ANO2: variants seen among roughly 807,000 people sequenced by gnomAD.
ANO2 encodes anoctamin 2, also known as anoctamin-2.
In ANO2, 101 loss-of-function variants were observed where a neutral mutation model predicts 124.2. That is an observed-to-expected ratio of 0.81 (90% CI 0.69 to 0.96). The LOEUF is 0.96. Ranked by LOEUF, ANO2 falls within the 40% of genes least tolerant of loss-of-function variation. The probability of loss-of-function intolerance (pLI) is 0.00; values close to 1 mark genes in which losing one functional copy is unlikely to be tolerated. For synonymous variants in ANO2, 486 were observed against 482.5 expected (o/e 1.01, Z -0.09); for missense variants, 1,293 against 1,274.5 (o/e 1.01, Z -0.22).
chr12:5,583,075 G>A (rs1446127240), intron 20 of ANO2, among the ~76,000 whole-genome samples: 1 of 152,130 alleles, frequency 6.6e-6, no homozygotes, highest in African/African-American at 2.4e-5. Context: ...ATCTTTTGTG[G>A]TGCCTATCAC....
chr12:5,669,172 A>G (rs1189987114), intron 14 of ANO2, among the ~76,000 whole-genome samples: 2 of 152,110 alleles, frequency 1.3e-5, no homozygotes, highest in Non-Finnish European at 2.9e-5. Flanking sequence ...TATCCATGAG[A>G]ATGGAATGTT....
rs114122337 is a variant in ANO2 at position 5,686,048 on chromosome 12, G to A, written c.1546-38247C>T. On this transcript the variant is annotated intron_variant, in intron 14 of 24. Transcript: ENST00000682330. ...GGATCAGCTTTGGTATCAGGCAGCAGAGACAAGCCAGCCCCCAGGCAAGGG... is the reference window on the plus strand; with the variant it reads ...GGATCAGCTTTGGTATCAGGCAGCAAAGACAAGCCAGCCCCCAGGCAAGGG... Among the ~76,000 whole-genome samples, 1,063 of 152,312 alleles carry A rather than the reference G, an allele frequency of 7.0e-3. 14 individuals carry two copies. Among genetic ancestry groups the A allele is most frequent in the African/African-American group, 0.025 (1,035 of 41,556 alleles).
chr12:5,827,195 T>C (rs1953981933), intron 7 of ANO2, among the ~76,000 whole-genome samples: 1 of 152,136 alleles, frequency 6.6e-6, no homozygotes, highest in Non-Finnish European at 1.5e-5. Context: ...TTATACTTGG[T>C]CCCAAATGCT....
intron 14 of ANO2, among the ~76,000 whole-genome samples, chr12:5,670,596 A>C (rs1947948970): frequency 1.3e-5 from 2 of 152,178 alleles, no homozygotes; most frequent in Admixed American, 1.3e-4. Flanking sequence ...GTACAGTGGC[A>C]CAATCATAGC....
At chr12:5,731,346 T>C (rs1950624501) in intron 14 of ANO2, among the ~76,000 whole-genome samples, 1 of 149,182 alleles carries the variant, frequency 6.7e-6, no homozygotes, top group Non-Finnish European at 1.5e-5. Context: ...TCTGTTCTGT[T>C]TAAGTTCTGT....
chr12:5,899,577 A>G (rs1479308118), intron 3 of ANO2, among the ~76,000 whole-genome samples: 1 of 152,204 alleles, frequency 6.6e-6, no homozygotes, highest in Non-Finnish European at 1.5e-5. Flanking sequence ...TTTGGCATGG[A>G]CTCAGGTGAC....
At chr12:5,664,921 T>C (rs1159860227) in intron 14 of ANO2, among the ~76,000 whole-genome samples, 1 of 152,252 alleles carries the variant, frequency 6.6e-6, no homozygotes, top group Non-Finnish European at 1.5e-5. Context: ...AACTTTTTGG[T>C]GGCAAAATAC....
intron 4 of ANO2, among the ~76,000 whole-genome samples, chr12:5,837,825 A>C (rs1954378946): frequency 6.6e-6 from 1 of 151,988 alleles, no homozygotes; most frequent in Non-Finnish European, 1.5e-5. Flanking sequence ...GAGCAAACAC[A>C]TTCAGAAGCT....
intron 3 of ANO2, among the ~76,000 whole-genome samples, chr12:5,868,374 G>A (rs760343755): frequency 1.7e-4 from 26 of 152,178 alleles, no homozygotes; most frequent in African/African-American, 4.6e-4. Flanking sequence ...CCTGTGTGAC[G>A]TTGATATGTA....
rs1022008989 is a variant in ANO2 at position 5,658,383 on chromosome 12, TCAA to T, written c.1546-10585_1546-10583del. Among the ~76,000 whole-genome samples, 7 of 144,444 alleles carry T rather than the reference TCAA, an allele frequency of 4.8e-5. No homozygotes were observed. Among genetic ancestry groups the T allele is most frequent in the African/African-American group, 1.3e-4 (5 of 37,960 alleles). The allele number at this position is 144,444 out of a possible 152,430, so 94.8% of individuals were successfully genotyped here. Reference sequence around the variant, plus strand: ...TACTTGTTGCCTATCATCATCATCATCAACAACATCATCATCGTCATTGTTATC... The same window carrying T: ...TACTTGTTGCCTATCATCATCATCATCAACATCATCATCGTCATTGTTATC... On this transcript the variant is annotated intron_variant, in intron 14 of 24. Coordinates refer to ENST00000682330, the MANE Select transcript of ANO2 (RefSeq NM_001364791.2). The surrounding 1 kb of genome is among the most constrained non-coding windows in gnomAD (Gnocchi z 4.3).
intron 4 of ANO2, among the ~76,000 whole-genome samples, chr12:5,842,580 T>C (rs1234331898): frequency 2.0e-5 from 3 of 152,200 alleles, no homozygotes; most frequent in Non-Finnish European, 4.4e-5. Flanking sequence ...CTGGGTGAGA[T>C]CTGGTGTGCA....
chr12:5,764,557 G>T (rs1336016986), intron 10 of ANO2, among the ~76,000 whole-genome samples: 1 of 152,140 alleles, frequency 6.6e-6, no homozygotes, highest in Non-Finnish European at 1.5e-5. Flanking sequence ...ACATTATAAT[G>T]AATTCCAGGA....
Position 5,647,729 on chromosome 12 carries a change from T to C in ANO2, c.1618A>G (p.Met540Val). Residue 540 changes from methionine (M) to valine (V), a missense_variant and splice_region_variant, in exon 15 of 25, where the codon ATG (methionine) becomes GTG (valine). Met to Val is a conservative substitution (Grantham distance 21). Coordinates refer to ENST00000682330, the MANE Select transcript of ANO2 (RefSeq NM_001364791.2). ...AAGTGGTCCCTCAAGGAAATTACCA[T>C]GAATAAGATGGAGGCAAAGTTCATC... ...YLMNFASILF[M>V]IALTFSIVFG... 4 of 1,608,904 alleles carry C rather than the reference T, an allele frequency of 2.5e-6. No homozygotes were observed. The highest frequency in any genetic ancestry group is 3.4e-6 in the Non-Finnish European group (4 of 1,177,782).
chr12:5,723,576 A>G (rs2137055226), intron 14 of ANO2, among the ~76,000 whole-genome samples: 1 of 128,404 alleles, frequency 7.8e-6, no homozygotes. Flanking sequence ...AGAGGTGAAA[A>G]AGGAGGCCAC....
chr12:5,857,535 A>T (rs1336730685), intron 3 of ANO2, among the ~76,000 whole-genome samples: 1 of 151,806 alleles, frequency 6.6e-6, no homozygotes, highest in Non-Finnish European at 1.5e-5. Context: ...GCCAGCCTTT[A>T]TTTTTTTGGT....
intron 1 of ANO2, among the ~76,000 whole-genome samples, chr12:5,935,621 T>C (rs1367107206): frequency 3.9e-5 from 6 of 152,140 alleles, no homozygotes; most frequent in Non-Finnish European, 7.3e-5. Flanking sequence ...AAAAAAGTTC[T>C]GGAGAAGGGG....
intron 22 of ANO2, among the ~76,000 whole-genome samples, chr12:5,576,928 T>C (rs1472468948): frequency 6.6e-6 from 1 of 152,226 alleles, no homozygotes; most frequent in Non-Finnish European, 1.5e-5. Context: ...CATCATGCCA[T>C]TTAATTTCCC....
chr12:5,849,507 G>A (rs931288418), intron 4 of ANO2, among the ~76,000 whole-genome samples: 2 of 152,188 alleles, frequency 1.3e-5, no homozygotes, highest in African/African-American at 4.8e-5. Context: ...GGCTGCTCGG[G>A]GCCAAAGGCC....
chr12:5,944,214 G>A (rs534748209), intron 1 of ANO2, among the ~76,000 whole-genome samples: 4 of 152,202 alleles, frequency 2.6e-5, no homozygotes, highest in African/African-American at 9.6e-5. Context: ...AAGGACAAAG[G>A]CTCGGCAGGT....
Sources: allele counts gnomAD v4.1 joint callset (sites outside exome capture counted in the v4.1 genomes callset), GRCh38; gene constraint gnomAD v4.1.1; non-coding constraint Gnocchi (gnomAD v3.1); transcripts MANE v1.5; gene names NCBI Gene and HGNC (gene_info 2026-07-23, HGNC 2026-07-21).